SLC22A15: variants seen among roughly 807,000 people sequenced by gnomAD.
SLC22A15 encodes the protein flipt 1.
In SLC22A15, 45 loss-of-function variants were observed where a neutral mutation model predicts 62.7. The ratio of observed to expected loss-of-function variants is 0.72; its 90% confidence interval spans 0.56 to 0.92. SLC22A15 has a LOEUF of 0.92. SLC22A15 is among the 40% of genes least tolerant of loss of function. SLC22A15 has a pLI of 0.00. For synonymous variants in SLC22A15, 264 were observed against 267.0 expected (o/e 0.99, Z 0.11); for missense variants, 622 against 665.6 (o/e 0.93, Z 0.72).
chr1:116,038,775 A>T (rs1016474324), intron 8 of SLC22A15, among the ~76,000 whole-genome samples: 1 of 151,950 alleles, frequency 6.6e-6, no homozygotes, highest in Admixed American at 6.6e-5. Context: ...TTGAGAATTC[A>T]GTTTCATTTT....
At chr1:115,987,851 C>T (rs932785754) in intron 1 of SLC22A15, among the ~76,000 whole-genome samples, 5 of 152,136 alleles carry the variant, frequency 3.3e-5, no homozygotes, top group African/African-American at 1.2e-4. Context: ...GAACAATTTA[C>T]TTAATCGTTC....
At chr1:115,977,898 A>C (rs1207807450) in intron 1 of SLC22A15, among the ~76,000 whole-genome samples, 1 of 152,198 alleles carries the variant, frequency 6.6e-6, no homozygotes, top group African/African-American at 2.4e-5. Flanking sequence ...TGATTTCATC[A>C]TCAGCCAGAA....
intron 1 of SLC22A15, among the ~76,000 whole-genome samples, chr1:115,982,428 G>A (rs1340230881): frequency 5.9e-5 from 9 of 152,118 alleles, no homozygotes; most frequent in Non-Finnish European, 1.2e-4. Context: ...TTGCAGAAAT[G>A]TGTATCATAA....
chr1:116,056,887 C>T (rs993394843), intron 8 of SLC22A15, among the ~76,000 whole-genome samples: 2 of 152,040 alleles, frequency 1.3e-5, no homozygotes, highest in Admixed American at 6.6e-5. Context: ...CTTCCTTACA[C>T]CTTATACAAA....
At chr1:115,995,329 G>A (rs1775698) in intron 2 of SLC22A15, among the ~76,000 whole-genome samples, 11,838 of 152,202 alleles carry the variant, frequency 0.078, 578 homozygotes, top group Admixed American at 0.12. Flanking sequence ...TCTTATCACT[G>A]CAACCTTTGC....
chr1:115,979,145 C>T (rs763200165), intron 1 of SLC22A15, among the ~76,000 whole-genome samples: 1 of 152,112 alleles, frequency 6.6e-6, no homozygotes, highest in African/African-American at 2.4e-5. Context: ...TTCCCTTTAC[C>T]CCAAACACAT....
rs945704601 is a variant in SLC22A15 at position 115,986,199 on chromosome 1, TC to T, written c.88-5831del. 7.9e-5 allele frequency among the ~76,000 whole-genome samples: 12 copies of T among 152,074 alleles called. 1 individual carries two copies. The highest frequency in any genetic ancestry group is 7.2e-4 in the Admixed American group (11 of 15,258). On this transcript the variant is annotated intron_variant, in intron 1 of 11. Coordinates refer to ENST00000369503, the MANE Select transcript of SLC22A15 (RefSeq NM_018420.3). ...GCTAACAGAGTTACTAGTTTTTTTT[TC>T]ATCTTTTTTTTTGGTTATACCATTA... is the stretch of plus-strand genomic sequence containing the variant.
At chr1:116,056,809 G>C (rs1473181854) in intron 8 of SLC22A15, among the ~76,000 whole-genome samples, 1 of 152,128 alleles carries the variant, frequency 6.6e-6, no homozygotes, top group Non-Finnish European at 1.5e-5. Context: ...ATGGGGAAAG[G>C]ATTCCCTATT....
intron 8 of SLC22A15, among the ~76,000 whole-genome samples, chr1:116,051,546 C>G (rs1179622373): frequency 6.6e-6 from 1 of 152,132 alleles, no homozygotes; most frequent in Non-Finnish European, 1.5e-5. Context: ...CATTTCTCAC[C>G]TATACAAAAA....
intron 6 of SLC22A15, among the ~76,000 whole-genome samples, chr1:116,033,291 G>A (rs1188951328): frequency 1.3e-5 from 2 of 152,116 alleles, no homozygotes; most frequent in African/African-American, 2.4e-5. Context: ...TATTATGCAA[G>A]CATTTTAGAT....
At chr1:115,977,113 T>G (rs946806120) in intron 1 of SLC22A15, among the ~76,000 whole-genome samples, 1 of 152,226 alleles carries the variant, frequency 6.6e-6, no homozygotes, top group Admixed American at 6.5e-5. Flanking sequence ...CACTGTCACC[T>G]TGGAATCTAG....
intron 10 of SLC22A15, among the ~76,000 whole-genome samples, chr1:116,065,887 T>C (rs1007185216): frequency 6.6e-6 from 1 of 152,208 alleles, no homozygotes; most frequent in Admixed American, 6.5e-5. Flanking sequence ...CTCTTTGTGA[T>C]GAAATGTTTC....
chr1:115,998,719 T>C (rs536358239), intron 2 of SLC22A15, among the ~76,000 whole-genome samples: 1 of 152,108 alleles, frequency 6.6e-6, no homozygotes, highest in African/African-American at 2.4e-5. Context: ...GTTTTATCTT[T>C]TCAAAAAAAC....
rs115428762 is a variant in SLC22A15, at chr1:116,023,009, A to G, written c.598+2124A>G. Among the ~76,000 whole-genome samples the G allele has an allele frequency of 3.9e-3, 599 of 152,270 alleles. 7 individuals carry two copies. The highest frequency in any genetic ancestry group is 0.014 in the African/African-American group (583 of 41,554). ...GCTGATTTCTTTCCAGAATGATTTT[A>G]TCTACACCTGTGGCTTCAAATATGC... is the stretch of plus-strand genomic sequence containing the variant. On this transcript the variant is annotated intron_variant, in intron 4 of 11. Coordinates refer to ENST00000369503, the MANE Select transcript of SLC22A15 (RefSeq NM_018420.3).
chr1:116,054,467 C>T (rs1658146633), intron 8 of SLC22A15, among the ~76,000 whole-genome samples: 1 of 152,012 alleles, frequency 6.6e-6, no homozygotes, highest in African/African-American at 2.4e-5. Flanking sequence ...GAGACTTTAA[C>T]ACCCCACTGT....
chr1:116,047,349 C>A (rs1033558038), intron 8 of SLC22A15, among the ~76,000 whole-genome samples: 1 of 152,200 alleles, frequency 6.6e-6, no homozygotes, highest in African/African-American at 2.4e-5. Flanking sequence ...ATCGCTTGAA[C>A]CCGGGAGGCG....
Position 116,053,628 on chromosome 1 carries a change from G to C in SLC22A15, c.1172-9134G>C, listed in dbSNP as rs555317385. Among the ~76,000 whole-genome samples, 5 of 152,192 alleles carry C rather than the reference G, an allele frequency of 3.3e-5. No individual in the cohort carries two copies. In the East Asian group the frequency reaches 7.7e-4, roughly 24 times the overall value. On this transcript the variant is annotated intron_variant, in intron 8 of 11. Coordinates refer to ENST00000369503, the MANE Select transcript of SLC22A15 (RefSeq NM_018420.3). The stretch of plus-strand genomic sequence containing the variant: ...CAGATTCACCAAAGTTGAAATGAAG[G>C]AAAAAATGTTAAGGGCAGCCAGAGA...
chr1:115,996,586 T>G (rs1238020080), intron 2 of SLC22A15, among the ~76,000 whole-genome samples: 3 of 148,458 alleles, frequency 2.0e-5, no homozygotes, highest in Non-Finnish European at 4.5e-5. Context: ...TTCTTTTTCT[T>G]TTTTTTTTTT....
intron 1 of SLC22A15, among the ~76,000 whole-genome samples, chr1:115,981,102 A>G (rs907649236): frequency 6.6e-6 from 1 of 152,186 alleles, no homozygotes; most frequent in Non-Finnish European, 1.5e-5. Context: ...GTCCCTCCAC[A>G]GGAAATTCTT....
Sources: allele counts gnomAD v4.1 joint callset (sites outside exome capture counted in the v4.1 genomes callset), GRCh38; gene constraint gnomAD v4.1.1; transcripts MANE v1.5; gene names NCBI Gene and HGNC (gene_info 2026-07-23, HGNC 2026-07-21).